FBXO6: variants seen among roughly 807,000 people sequenced by gnomAD.
FBXO6 encodes F-box protein 6, also known as F-box only protein 6.
In FBXO6, 13 loss-of-function variants were observed where a neutral mutation model predicts 25.0. The observed-to-expected ratio is 0.52, with a 90% CI of 0.34 to 0.83. The LOEUF (loss-of-function observed/expected upper bound fraction) is 0.83, where lower values mean the gene tolerates loss of function less well. Among genes scored for constraint, FBXO6 ranks in the 40% least tolerant of loss-of-function variants. The pLI is 0.02. For missense variants in FBXO6, 370 were observed against 380.2 expected, an observed-to-expected ratio of 0.97 and a Z score of 0.22; for synonymous variants, 138 against 155.3, an observed-to-expected ratio of 0.89 and a Z score of 0.83.
chr1:11,674,259 A>G lies in FBXO6; in HGVS notation c.*408A>G, dbSNP rs532871466. 6.5e-4 allele frequency: 115 copies of G among 175,844 alleles called. No homozygotes were observed. The highest frequency in any genetic ancestry group is 1.1e-3 in the Non-Finnish European group (86 of 81,012). 10.9% of individuals were successfully genotyped at this position (175,844 alleles called of 1,614,324 possible). ...GCAGAGCTTGCAGTGAGCCGAGATC[A>G]CGCCACTGCACTCCAGCCTGGGTGA... On this transcript the variant is annotated 3_prime_UTR_variant, in exon 6 of 6. Transcript: ENST00000376753. The surrounding 1 kb of genome is among the most constrained non-coding windows in gnomAD (Gnocchi z 6.1).
intron 1 of FBXO6, among the ~76,000 whole-genome samples, chr1:11,667,162 A>C (rs183541363): frequency 4.0e-5 from 6 of 149,050 alleles, no homozygotes; most frequent in Non-Finnish European, 7.4e-5. Context: ...GGGGGGAAGA[A>C]AAAAAAAAAG....
intron 2 of FBXO6, 142 bp from the exon 3 acceptor site, chr1:11,671,124 A>T: frequency 9.7e-7 from 1 of 1,032,906 alleles, no homozygotes; most frequent in Non-Finnish European, 1.4e-6. Context: ...ACAGCCGCAG[A>T]GACCTGAGCA....
chr1:11,664,456 G>GT (rs1444885107), intron 1 of FBXO6: 5 of 151,194 alleles, frequency 3.3e-5, no homozygotes, highest in Admixed American at 3.3e-4. Context: ...CGGCGGGCGA[G>GT]TGGGGAGCCG....
intron 2 of FBXO6, 129 bp downstream of exon 2, chr1:11,669,073 C>T: frequency 1.6e-6 from 2 of 1,239,408 alleles, no homozygotes; most frequent in Non-Finnish European, 2.2e-6. Flanking sequence ...TTCCTTGGTT[C>T]CTTCTCATTC....
At chr1:11,671,207 G>A in intron 2 of FBXO6, 59 bp from the exon 3 acceptor site, 2 of 1,589,558 alleles carry the variant, frequency 1.3e-6, no homozygotes, top group Non-Finnish European at 1.7e-6. Context: ...GGACTAAGTG[G>A]GGAGGGCTGG....
intron 2 of FBXO6, among the ~76,000 whole-genome samples, chr1:11,669,888 C>G (rs1439165469): frequency 6.9e-6 from 1 of 145,184 alleles, no homozygotes; most frequent in Non-Finnish European, 1.5e-5. Flanking sequence ...CTGCCTGCCT[C>G]GGCCTCCCAA....
rs148957324 is a variant in FBXO6, at chr1:11,673,789, C to T, written c.820C>T (p.Gln274Ter). 1.9e-6 allele frequency: 3 copies of T among 1,614,004 alleles called. No individual in the cohort carries two copies. The highest frequency in any genetic ancestry group is 2.7e-5 in the African/African-American group (2 of 74,930). Residue 274 changes from glutamine (Q) to a stop codon, truncating the protein, a stop_gained, in exon 6 of 6, where the codon CAG (glutamine) becomes TAG (stop). Coordinates refer to ENST00000376753, the MANE Select transcript of FBXO6 (RefSeq NM_018438.6). LOFTEE classifies it low-confidence loss of function (END_TRUNC). The surrounding 1 kb of genome is among the most constrained non-coding windows in gnomAD (Gnocchi z 4.3). ...GGCCTCCTCCGAGGCTCAGCCTGGG[C>T]AGAAGCATGGACAGGAGGAGGCTGC... ...NQASSEAQPG[Q>*]KHGQEEAAQS...
chr1:11,673,620 C>G lies in FBXO6; in HGVS notation c.651C>G (p.Ser217=). 6.2e-7 allele frequency: 1 copy of G among 1,613,882 alleles called. No individual in the cohort carries two copies. Among genetic ancestry groups the G allele is most frequent in the Non-Finnish European group, 8.5e-7 (1 of 1,179,864 alleles). ...CTCTCCCTTCCTCCCAACAGGTCTC[C>G]TACACCTTCTCAGACTACCCCCGGG... ...QWNNATWTEV[S]YTFSDYPRGV... Residue 217 remains serine, a synonymous_variant, in exon 6 of 6, where the codon TCC becomes TCG. Coordinates refer to ENST00000376753, the MANE Select transcript of FBXO6 (RefSeq NM_018438.6). This position sits in a 1 kb window ranked among gnomAD's most constrained non-coding sequence, Gnocchi z 4.3.
At position 11,668,874 on chromosome 1, in the gene FBXO6, G is replaced by A. The variant is rs1230500879; in HGVS notation, c.216G>A (p.Val72=). 6.2e-7 allele frequency: 1 copy of A among 1,614,124 alleles called. No individual in the cohort carries two copies. Among genetic ancestry groups the A allele is most frequent in the East Asian group, 2.2e-5 (1 of 44,878 alleles). ...GFITKDWDQP[V]ADWKIFYFLR... ...TCACCAAGGACTGGGACCAGCCCGT[G>A]GCCGACTGGAAAATCTTCTACTTCC... Residue 72 remains valine, a synonymous_variant, in exon 2 of 6, where the codon GTG becomes GTA. Coordinates refer to ENST00000376753, the MANE Select transcript of FBXO6 (RefSeq NM_018438.6).
Position 11,673,924 on chromosome 1 carries a change from G to C in FBXO6, c.*73G>C. 1 of 1,395,586 alleles carries C rather than the reference G, an allele frequency of 7.2e-7. No homozygotes were observed. Among genetic ancestry groups the C allele is most frequent in the South Asian group, 1.2e-5 (1 of 84,398 alleles). The allele number at this position is 1,395,586 out of a possible 1,614,324, so 86.5% of individuals were successfully genotyped here. A position where few individuals can be genotyped will look rare whatever the true frequency, so the allele number is the denominator to read the frequency against. On this transcript the variant is annotated 3_prime_UTR_variant, in exon 6 of 6. Coordinates refer to ENST00000376753, the MANE Select transcript of FBXO6 (RefSeq NM_018438.6). The surrounding 1 kb of genome is among the most constrained non-coding windows in gnomAD (Gnocchi z 4.3). ...GAGCTGAGCATGGGGTGGGCAGTGA[G>C]GTCCCTGTACCAGCGACTCCTGCCC...
Position 11,673,669 on chromosome 1 carries a change from C to T in FBXO6, c.700C>T (p.His234Tyr). 1 of 1,614,126 alleles carries T rather than the reference C, an allele frequency of 6.2e-7. No homozygotes were observed. The highest frequency in any genetic ancestry group is 8.5e-7 in the Non-Finnish European group (1 of 1,180,018). ...PRGVRYILFQ[H>Y]GGRDTQYWAG... is the part of the protein sequence containing the mutation. ...GGGTGTCCGCTACATCCTCTTCCAG[C>T]ATGGGGGCAGGGACACCCAGTACTG... The change falls in exon 6 of 6, where the codon CAT becomes TAT. Residue 234 changes from histidine (H) to tyrosine (Y), a missense_variant. Physicochemically the swap from His to Tyr is moderately conservative, Grantham distance 83 (BLOSUM62 2). Transcript: ENST00000376753. The surrounding 1 kb of genome is among the most constrained non-coding windows in gnomAD (Gnocchi z 4.3).
rs1351899885 is a variant in FBXO6, at chr1:11,666,389, T to C, written c.-4+2134T>C. Reference sequence around the variant, plus strand: ...TGCAAAGCCTTTTTTCTTTTCTTTTTTTTTTTTTTTGAGACGGTGCCTTGT... The same window carrying C: ...TGCAAAGCCTTTTTTCTTTTCTTTTCTTTTTTTTTTGAGACGGTGCCTTGT... On this transcript the variant is annotated intron_variant, in intron 1 of 5. Coordinates refer to ENST00000376753, the MANE Select transcript of FBXO6 (RefSeq NM_018438.6). Among the ~76,000 whole-genome samples, 6 of 150,724 alleles carry C rather than the reference T, an allele frequency of 4.0e-5. No individual in the cohort carries two copies. In the East Asian group the frequency reaches 5.8e-4, roughly 15 times the overall value.
rs1164745779 is a variant in FBXO6 at position 11,673,147 on chromosome 1, C to T, written c.510-130C>T. On this transcript the variant is annotated intron_variant, in intron 4 of 5. Transcript: ENST00000376753. This position sits in a 1 kb window ranked among gnomAD's most constrained non-coding sequence, Gnocchi z 4.3. ...ATAGGGAGCGCTGAAGCCAGCTGGG[C>T]CTTGCAGGCAGAGCAGTGTCAGCTG... 2.5e-6 allele frequency: 3 copies of T among 1,186,664 alleles called. No individual in the cohort carries two copies. Among genetic ancestry groups the T allele is most frequent in the Non-Finnish European group, 3.4e-6 (3 of 869,726 alleles). 73.5% of individuals were successfully genotyped at this position (1,186,664 alleles called of 1,614,324 possible). A position where few individuals can be genotyped will look rare whatever the true frequency, so the allele number is the denominator to read the frequency against.
chr1:11,671,012 A>C (rs1342955518), intron 2 of FBXO6, among the ~76,000 whole-genome samples: 1 of 152,072 alleles, frequency 6.6e-6, no homozygotes, highest in Admixed American at 6.6e-5. Context: ...GGTGCTTTGT[A>C]GGGGTGCTCC....
chr1:11,666,384 C>CTT lies in FBXO6; in HGVS notation c.-4+2143_-4+2144dup, dbSNP rs1240116498. On this transcript the variant is annotated intron_variant, in intron 1 of 5. Coordinates refer to ENST00000376753, the MANE Select transcript of FBXO6 (RefSeq NM_018438.6). The stretch of plus-strand genomic sequence containing the variant: ...AAGGTTGCAAAGCCTTTTTTCTTTT[C>CTT]TTTTTTTTTTTTTTTGAGACGGTGC... Among the ~76,000 whole-genome samples, 684 of 133,196 alleles carry CTT rather than the reference C, an allele frequency of 5.1e-3. 9 individuals carry two copies. The highest frequency in any genetic ancestry group is 0.017 in the African/African-American group (611 of 36,204). The allele number at this position is 133,196 out of a possible 152,430, so 87.4% of individuals were successfully genotyped here. A position where few individuals can be genotyped will look rare whatever the true frequency, so the allele number is the denominator to read the frequency against.
At position 11,673,688 on chromosome 1, in the gene FBXO6, A is replaced by G; in HGVS notation, c.719A>G (p.Gln240Arg). The change falls in exon 6 of 6, where the codon CAG becomes CGG. Residue 240 changes from glutamine (Q) to arginine (R), a missense_variant. Gln to Arg is a conservative substitution (Grantham distance 43). Transcript: ENST00000376753. The surrounding 1 kb of genome is among the most constrained non-coding windows in gnomAD (Gnocchi z 4.3). The stretch of plus-strand genomic sequence containing the variant: ...TTCCAGCATGGGGGCAGGGACACCC[A>G]GTACTGGGCAGGCTGGTATGGGCCC... ...ILFQHGGRDT[Q>R]YWAGWYGPRV... The G allele has an allele frequency of 6.2e-7, 1 of 1,614,082 alleles. No homozygotes were observed. Among genetic ancestry groups the G allele is most frequent in the East Asian group, 2.2e-5 (1 of 44,880 alleles).
rs1211544339 is a variant in FBXO6 at position 11,673,847 on chromosome 1, T to A, written c.878T>A (p.Phe293Tyr). 6.2e-7 allele frequency: 1 copy of A among 1,613,818 alleles called. No homozygotes were observed. ...QSPYRAVVQI[F>Y] ...CCCTACCGAGCTGTTGTCCAGATTTTCTGACAGCTGTCCATCCTGTGTCTG... is the reference window on the plus strand; with the variant it reads ...CCCTACCGAGCTGTTGTCCAGATTTACTGACAGCTGTCCATCCTGTGTCTG... The change falls in exon 6 of 6, where the codon TTC (phenylalanine) becomes TAC (tyrosine). Residue 293 changes from phenylalanine (F) to tyrosine (Y), a missense_variant. By Grantham distance (22) the Phe-to-Tyr change is conservative (BLOSUM62 3). Transcript: ENST00000376753. This position sits in a 1 kb window ranked among gnomAD's most constrained non-coding sequence, Gnocchi z 4.3.
In FBXO6 at chr1:11,673,172, G is replaced by C; in HGVS notation, c.510-105G>C. ...CCTTGCAGGCAGAGCAGTGTCAGCTGATGGGAGATGAAGCTCCGAGCTCCA... is the reference window on the plus strand; with the variant it reads ...CCTTGCAGGCAGAGCAGTGTCAGCTCATGGGAGATGAAGCTCCGAGCTCCA... On this transcript the variant is annotated intron_variant, in intron 4 of 5. Coordinates refer to ENST00000376753, the MANE Select transcript of FBXO6 (RefSeq NM_018438.6). The surrounding 1 kb of genome is among the most constrained non-coding windows in gnomAD (Gnocchi z 4.3). 1 of 1,391,124 alleles carries C rather than the reference G, an allele frequency of 7.2e-7. No homozygotes were observed. 86.2% of individuals were successfully genotyped at this position (1,391,124 alleles called of 1,614,324 possible). A position where few individuals can be genotyped will look rare whatever the true frequency, so the allele number is the denominator to read the frequency against.
chr1:11,672,642 T>G (rs1231846659), intron 4 of FBXO6, among the ~76,000 whole-genome samples: 1 of 152,182 alleles, frequency 6.6e-6, no homozygotes, highest in Non-Finnish European at 1.5e-5. Context: ...CTCTCTGGAC[T>G]GGGTGGGAAC....
Sources: gnomAD v4.1 joint callset for allele counts (sites outside exome capture counted in the v4.1 genomes callset) on GRCh38, gnomAD v4.1.1 for gene constraint, Gnocchi (gnomAD v3.1) non-coding constraint, MANE v1.5 for transcripts, NCBI Gene and HGNC (gene_info 2026-07-23, HGNC 2026-07-21) for gene names.